AFG2A: variants seen among roughly 807,000 people sequenced by gnomAD.
AFG2A encodes the protein ATPase family gene 2 protein homolog A.
At chr4:123,075,975 AC>A in the AFG2A span, among the ~76,000 whole-genome samples, 299 of 61,284 alleles carry the variant, frequency 4.9e-3, 1 homozygote, top group Middle Eastern at 0.011. Context: ...AACAACAACA[AC>A]AAAAAAAAAA....
At chr4:122,925,763 T>C in the AFG2A span, among the ~76,000 whole-genome samples, 23 of 152,248 alleles carry the variant, frequency 1.5e-4, no homozygotes, top group African/African-American at 5.1e-4. Flanking sequence ...ATTTTACAGC[T>C]ATCCACTGAT....
At chr4:122,936,089 A>G in the AFG2A span, 17 of 1,592,376 alleles carry the variant, frequency 1.1e-5, no homozygotes, top group African/African-American at 4.0e-5. Flanking sequence ...AATGTATTTT[A>G]TTTGTTACAG....
chr4:122,998,617 C>T, the AFG2A span, among the ~76,000 whole-genome samples: 1 of 152,100 alleles, frequency 6.6e-6, no homozygotes, highest in Non-Finnish European at 1.5e-5. Context: ...CAGTTTCATC[C>T]ATGTCCTTAA....
At chr4:122,923,194 T>G in the AFG2A span, 1 of 1,614,240 alleles carries the variant, frequency 6.2e-7, no homozygotes, top group Non-Finnish European at 8.5e-7. Flanking sequence ...GGAAAATGGT[T>G]CGTCCTTGCC....
At chr4:123,174,503 G>T in the AFG2A span, among the ~76,000 whole-genome samples, 8 of 152,094 alleles carry the variant, frequency 5.3e-5, no homozygotes, top group Non-Finnish European at 1.0e-4. Context: ...ATTTTGAAAT[G>T]TATCAGGAAG....
the AFG2A span, among the ~76,000 whole-genome samples, chr4:123,050,358 T>C: frequency 1.9e-5 from 2 of 107,400 alleles, no homozygotes; most frequent in African/African-American, 5.6e-5. Context: ...TGTTTGTTGA[T>C]TTTTTGCCTG....
chr4:123,051,810 A>G, the AFG2A span, among the ~76,000 whole-genome samples: 1 of 152,012 alleles, frequency 6.6e-6, no homozygotes, highest in Middle Eastern at 3.4e-3. Flanking sequence ...TCTGCTGCCA[A>G]GTGTATTGGA....
At chr4:123,315,483 TG>T in the AFG2A span, 3 of 151,670 alleles carry the variant, frequency 2.0e-5, no homozygotes, top group African/African-American at 7.3e-5. Context: ...CATGAGCTAC[TG>T]CGCCCTGCCG....
At chr4:123,232,347 A>C in the AFG2A span, among the ~76,000 whole-genome samples, 1,291 of 152,146 alleles carry the variant, frequency 8.5e-3, 12 homozygotes, top group Non-Finnish European at 0.014. Flanking sequence ...ATGAATAGGA[A>C]TATCTAGAGA....
chr4:123,129,804 G>A, the AFG2A span, among the ~76,000 whole-genome samples: 4 of 152,138 alleles, frequency 2.6e-5, no homozygotes, highest in South Asian at 2.1e-4. Flanking sequence ...TGCTCTGACC[G>A]ATTCAACCAT....
At chr4:123,181,282 C>A in the AFG2A span, among the ~76,000 whole-genome samples, 4 of 151,886 alleles carry the variant, frequency 2.6e-5, no homozygotes, top group Non-Finnish European at 5.9e-5. Flanking sequence ...CTGCGCCCGG[C>A]CCTCCTCCTC....
chr4:122,970,447 G>T, the AFG2A span, among the ~76,000 whole-genome samples: 2 of 149,496 alleles, frequency 1.3e-5, no homozygotes, highest in East Asian at 2.0e-4. Context: ...GCAATGCATG[G>T]CTGTATCTAG....
the AFG2A span, chr4:123,057,068 A>G: frequency 9.7e-6 from 7 of 719,634 alleles, no homozygotes; most frequent in South Asian, 1.9e-5. Context: ...CTGAACATCT[A>G]TTACAAGGTC....
At chr4:122,966,801 T>C in the AFG2A span, among the ~76,000 whole-genome samples, 1 of 152,208 alleles carries the variant, frequency 6.6e-6, no homozygotes, top group Non-Finnish European at 1.5e-5. Flanking sequence ...GTATCTCTCC[T>C]ATTAGACTGT....
the AFG2A span, among the ~76,000 whole-genome samples, chr4:123,127,408 T>G: frequency 1.3e-5 from 2 of 152,194 alleles, no homozygotes; most frequent in African/African-American, 4.8e-5. Flanking sequence ...AACTATCTTA[T>G]GGGAAATTAA....
chr4:123,050,960 CA>C, the AFG2A span, among the ~76,000 whole-genome samples: 2 of 152,036 alleles, frequency 1.3e-5, no homozygotes, highest in African/African-American at 4.8e-5. Context: ...AGGTTGGTCT[CA>C]AACTCCTGAC....
the AFG2A span, among the ~76,000 whole-genome samples, chr4:123,160,994 G>C: frequency 6.6e-6 from 1 of 152,088 alleles, no homozygotes; most frequent in Non-Finnish European, 1.5e-5. Context: ...TATACTCACC[G>C]ATTTTCAGAC....
the AFG2A span, among the ~76,000 whole-genome samples, chr4:123,094,027 C>T: frequency 6.6e-6 from 1 of 152,080 alleles, no homozygotes; most frequent in East Asian, 1.9e-4. Flanking sequence ...ATGCCTGCAG[C>T]GACTTACAAG....
At chr4:123,283,358 A>AAGAG in the AFG2A span, among the ~76,000 whole-genome samples, 20,921 of 148,984 alleles carry the variant, frequency 0.14, 1,579 homozygotes, top group Middle Eastern at 0.24. Context: ...GGAAAAAAAA[A>AAGAG]AGAGAGAGAG....
Sources: gnomAD v4.1 joint callset for allele counts (sites outside exome capture counted in the v4.1 genomes callset) on GRCh38, gnomAD v4.1.1 for gene constraint, MANE v1.5 for transcripts, NCBI Gene and HGNC (gene_info 2026-07-23, HGNC 2026-07-21) for gene names.